The following PTPRD variants were observed in gnomAD, a reference collection of about 807,000 sequenced individuals.
The protein encoded by PTPRD is protein tyrosine phosphatase receptor type D.
PTPRD carries 34 observed loss-of-function variants against 214.5 expected under a neutral mutation model. The observed-to-expected ratio is 0.16, with a 90% CI of 0.12 to 0.21. The LOEUF (loss-of-function observed/expected upper bound fraction) is 0.21, where lower values mean the gene tolerates loss of function less well. PTPRD is among the 10% of genes least tolerant of loss of function. The pLI, the probability that PTPRD is intolerant of heterozygous loss-of-function variation, is 1.00. For missense variants in PTPRD, 2,545 were observed against 2,398.7 expected, an observed-to-expected ratio of 1.06 and a Z score of -1.27; for synonymous variants, 1,128 against 845.7, an observed-to-expected ratio of 1.33 and a Z score of -5.79.
At chr9:9,095,409 C>T (rs1310729559) in intron 10 of PTPRD, among the ~76,000 whole-genome samples, 1 of 152,176 alleles carries the variant, frequency 6.6e-6, no homozygotes, top group Non-Finnish European at 1.5e-5. Flanking sequence ...ACAAAGTCAA[C>T]ATACAAAAAT....
At chr9:8,661,934 C>T (rs534177506) in intron 12 of PTPRD, among the ~76,000 whole-genome samples, 3 of 152,054 alleles carry the variant, frequency 2.0e-5, no homozygotes, top group African/African-American at 4.8e-5. Context: ...ATTTATTTAC[C>T]CATTCATTCA....
intron 43 of PTPRD, among the ~76,000 whole-genome samples, chr9:8,334,022 A>T (rs1247030004): frequency 6.6e-6 from 1 of 152,228 alleles, no homozygotes; most frequent in Admixed American, 6.5e-5. Context: ...AGGAGCACCC[A>T]GATTCATAAA....
chr9:9,309,395 G>A (rs1210199371), intron 9 of PTPRD, among the ~76,000 whole-genome samples: 2 of 152,064 alleles, frequency 1.3e-5, no homozygotes, highest in East Asian at 3.9e-4. Flanking sequence ...CCAACATTAT[G>A]TGCTAGCAAT....
intron 9 of PTPRD, among the ~76,000 whole-genome samples, chr9:9,202,355 T>C (rs2099942376): frequency 6.6e-6 from 1 of 152,230 alleles, no homozygotes; most frequent in African/African-American, 2.4e-5. Flanking sequence ...CTGATATGTT[T>C]ATGACATTTT....
intron 5 of PTPRD, among the ~76,000 whole-genome samples, chr9:9,898,128 T>G (rs2075491272): frequency 6.6e-6 from 1 of 152,144 alleles, no homozygotes; most frequent in African/African-American, 2.4e-5. Context: ...TTTAATTTAT[T>G]CATAATGTAT....
chr9:8,674,091 G>C (rs1197575732), intron 12 of PTPRD, among the ~76,000 whole-genome samples: 2 of 152,110 alleles, frequency 1.3e-5, no homozygotes, highest in Non-Finnish European at 2.9e-5. Flanking sequence ...TGATAAATAT[G>C]AAATGGGAAT....
At chr9:8,327,706 G>A in intron 44 of PTPRD, among the ~76,000 whole-genome samples, 1 of 151,924 alleles carries the variant, frequency 6.6e-6, no homozygotes. Flanking sequence ...CTTGCTTTAT[G>A]AATCTGCATG....
intron 2 of PTPRD, among the ~76,000 whole-genome samples, chr9:10,534,349 A>T (rs922580079): frequency 6.6e-6 from 1 of 152,060 alleles, no homozygotes; most frequent in Non-Finnish European, 1.5e-5. Flanking sequence ...AAGAAAACAT[A>T]TTACTTCACC....
intron 3 of PTPRD, among the ~76,000 whole-genome samples, chr9:10,253,820 T>C (rs1383692964): frequency 6.6e-6 from 1 of 152,234 alleles, no homozygotes; most frequent in Non-Finnish European, 1.5e-5. Flanking sequence ...GAAATGCTTT[T>C]ATTCATTGGC....
intron 11 of PTPRD, among the ~76,000 whole-genome samples, chr9:8,758,858 T>C (rs1178523905): frequency 6.6e-6 from 1 of 152,008 alleles, no homozygotes; most frequent in African/African-American, 2.4e-5. Context: ...GCTAATTTTT[T>C]GTATTTTTAA....
At chr9:8,611,233 A>T (rs2095433808) in intron 14 of PTPRD, among the ~76,000 whole-genome samples, 1 of 152,230 alleles carries the variant, frequency 6.6e-6, no homozygotes. Context: ...AGAATATCAA[A>T]GTTAAATGAG....
intron 5 of PTPRD, among the ~76,000 whole-genome samples, chr9:9,822,126 G>A (rs1199808839): frequency 6.6e-6 from 1 of 151,062 alleles, no homozygotes; most frequent in African/African-American, 2.4e-5. Context: ...AATATAGATA[G>A]AATAGGCTGG....
At chr9:9,668,093 G>T (rs551480192) in intron 7 of PTPRD, among the ~76,000 whole-genome samples, 5 of 152,024 alleles carry the variant, frequency 3.3e-5, no homozygotes, top group Non-Finnish European at 7.4e-5. Context: ...CTGATGGTTT[G>T]TTAAAGTTAA....
At chr9:9,926,842 T>G (rs117512901) in intron 5 of PTPRD, among the ~76,000 whole-genome samples, 3,022 of 152,294 alleles carry the variant, frequency 0.02, 38 homozygotes, top group Non-Finnish European at 0.032. Context: ...TATTTTAAGC[T>G]GTACATTTTC....
At chr9:9,395,507 C>T (rs1366240879) in intron 9 of PTPRD, among the ~76,000 whole-genome samples, 1 of 152,044 alleles carries the variant, frequency 6.6e-6, no homozygotes, top group Non-Finnish European at 1.5e-5. Flanking sequence ...CAGAAAACTT[C>T]AATTGATTTT....
In PTPRD at chr9:10,555,016, G is replaced by C. The variant is rs532266855; in HGVS notation, c.-600+57382C>G. 7.6e-4 allele frequency among the ~76,000 whole-genome samples: 116 copies of C among 152,254 alleles called. 1 individual carries two copies. In the South Asian group the frequency reaches 0.023, roughly 30 times the overall value. ...TTAGATAAGAATGTGTTAGAGTAGT[G>C]ATTAAATTGCCACCCATTTCCATTG... is the stretch of plus-strand genomic sequence containing the variant. On this transcript the variant is annotated intron_variant, in intron 2 of 45. Transcript: ENST00000381196.
At chr9:9,599,427 C>A (rs2093597110) in intron 7 of PTPRD, among the ~76,000 whole-genome samples, 1 of 152,026 alleles carries the variant, frequency 6.6e-6, no homozygotes, top group Admixed American at 6.6e-5. Context: ...CACTCAAGCC[C>A]TTACCCGATG....
intron 11 of PTPRD, among the ~76,000 whole-genome samples, chr9:8,864,887 T>C (rs1227875803): frequency 6.6e-6 from 1 of 152,216 alleles, no homozygotes; most frequent in Non-Finnish European, 1.5e-5. Context: ...ATGTTTTCTC[T>C]TTGTCTTATA....
rs377471695 is a variant in PTPRD at position 9,772,489 on chromosome 9, C to T, written c.-367-5638G>A. Among the ~76,000 whole-genome samples the T allele has an allele frequency of 2.9e-3, 441 of 152,184 alleles. 2 individuals carry two copies. Among genetic ancestry groups the T allele is most frequent in the African/African-American group, 0.01 (416 of 41,536 alleles). ...TTTTACATTTAACATTTATCTCTCA[C>T]GGGCTCATATAATAGAAGCTCTCTT... On this transcript the variant is annotated intron_variant, in intron 5 of 45. Coordinates refer to ENST00000381196, the MANE Select transcript of PTPRD (RefSeq NM_002839.4).
Sources: gnomAD v4.1 joint callset for allele counts (sites outside exome capture counted in the v4.1 genomes callset) on GRCh38, gnomAD v4.1.1 for gene constraint, MANE v1.5 for transcripts, NCBI Gene and HGNC (gene_info 2026-07-23, HGNC 2026-07-21) for gene names.